Variants in FAM53B observed in about 807,000 individuals in gnomAD.
The protein encoded by FAM53B is family with sequence similarity 53 member B, also known as protein FAM53B.
In FAM53B, 12 loss-of-function variants were observed where a neutral mutation model predicts 32.7. That is an observed-to-expected ratio of 0.37 (90% CI 0.24 to 0.59). The LOEUF is 0.59. Ranked by LOEUF, FAM53B falls within the 20% of genes least tolerant of loss-of-function variation. The pLI, the probability that FAM53B is intolerant of heterozygous loss-of-function variation, is 0.72. For missense variants in FAM53B, 477 were observed against 577.7 expected (o/e 0.83, Z 1.79); for synonymous variants, 234 against 228.7 (o/e 1.02, Z -0.21).
chr10:124,636,272 A>T (rs559751747), intron 4 of FAM53B, among the ~76,000 whole-genome samples: 1 of 152,262 alleles, frequency 6.6e-6, no homozygotes, highest in Middle Eastern at 3.4e-3. Flanking sequence ...CTTTATTGGT[A>T]GCAACAAAGC....
intron 2 of FAM53B, among the ~76,000 whole-genome samples, chr10:124,697,826 T>A (rs1949884499): frequency 6.6e-6 from 1 of 152,202 alleles, no homozygotes; most frequent in African/African-American, 2.4e-5. Flanking sequence ...TCAGGCTCAG[T>A]CACCCTCCTG....
chr10:124,678,114 GA>G (rs1949748021), intron 4 of FAM53B, among the ~76,000 whole-genome samples: 1 of 152,162 alleles, frequency 6.6e-6, no homozygotes, highest in Admixed American at 6.5e-5. Flanking sequence ...GACAAACAAA[GA>G]AAAACAGGCA....
At chr10:124,715,164 C>T (rs1167618385) in intron 1 of FAM53B, among the ~76,000 whole-genome samples, 1 of 152,260 alleles carries the variant, frequency 6.6e-6, no homozygotes, top group Non-Finnish European at 1.5e-5. Context: ...AATACACACA[C>T]TCTCTAATAC....
At chr10:124,641,518 T>A (rs1196194647) in intron 4 of FAM53B, among the ~76,000 whole-genome samples, 1 of 152,202 alleles carries the variant, frequency 6.6e-6, no homozygotes, top group Non-Finnish European at 1.5e-5. Flanking sequence ...TATCAGCAAG[T>A]GGCTACCACA....
intron 4 of FAM53B, among the ~76,000 whole-genome samples, chr10:124,678,649 A>G (rs905855831): frequency 6.6e-6 from 1 of 152,224 alleles, no homozygotes; most frequent in Non-Finnish European, 1.5e-5. Context: ...CTCTGAGGTC[A>G]CATCTCCTGA....
chr10:124,679,795 G>A (rs1441978881), intron 4 of FAM53B, among the ~76,000 whole-genome samples: 13 of 152,232 alleles, frequency 8.5e-5, no homozygotes, highest in Non-Finnish European at 1.5e-5. Context: ...TATACAACTG[G>A]GCGCAGCCCC....
chr10:124,691,879 C>A (rs1355732508), intron 3 of FAM53B, among the ~76,000 whole-genome samples: 2 of 152,220 alleles, frequency 1.3e-5, no homozygotes, highest in Admixed American at 1.3e-4. Context: ...TCAGCCACAG[C>A]CCAGGCCCCT....
At chr10:124,692,563 A>C (rs1163249523) in intron 3 of FAM53B, among the ~76,000 whole-genome samples, 1 of 151,834 alleles carries the variant, frequency 6.6e-6, no homozygotes, top group East Asian at 1.9e-4. Context: ...AAAAATACAA[A>C]AATTAGCCGG....
rs1262003213 is a variant in FAM53B, at chr10:124,738,710, G to A, written c.-175+5303C>T. Among the ~76,000 whole-genome samples, 3 of 151,942 alleles carry A rather than the reference G, an allele frequency of 2.0e-5. No individual in the cohort carries two copies. In the East Asian group the frequency reaches 5.8e-4, roughly 29 times the overall value. On this transcript the variant is annotated intron_variant, in intron 1 of 4. Coordinates refer to ENST00000337318, the MANE Select transcript of FAM53B (RefSeq NM_014661.4). ...TGTGTTCAGTTACTTGATTACTTTAGGCACGTAAACAAAATATGATATTGT... is the reference window on the plus strand; with the variant it reads ...TGTGTTCAGTTACTTGATTACTTTAAGCACGTAAACAAAATATGATATTGT...
At chr10:124,659,394 A>G (rs1370006207) in intron 4 of FAM53B, among the ~76,000 whole-genome samples, 1 of 152,248 alleles carries the variant, frequency 6.6e-6, no homozygotes, top group African/African-American at 2.4e-5. Context: ...AAAACAGGCC[A>G]GTGCTAGGGC....
intron 4 of FAM53B, among the ~76,000 whole-genome samples, chr10:124,681,255 C>T (rs1949769072): frequency 6.6e-6 from 1 of 152,166 alleles, no homozygotes; most frequent in Admixed American, 6.5e-5. Flanking sequence ...CTTGCAGCAG[C>T]TGCAGGGGTG....
intron 1 of FAM53B, among the ~76,000 whole-genome samples, chr10:124,719,942 C>G (rs1950059097): frequency 6.6e-6 from 1 of 152,116 alleles, no homozygotes; most frequent in Non-Finnish European, 1.5e-5. Context: ...GCAGGCAGAT[C>G]ACCTGAGGTA....
intron 4 of FAM53B, among the ~76,000 whole-genome samples, chr10:124,636,131 C>T (rs867149768): frequency 1.3e-5 from 2 of 152,186 alleles, no homozygotes; most frequent in Non-Finnish European, 2.9e-5. Context: ...GAGCAGAGCA[C>T]ACACTAAGTT....
At chr10:124,677,891 C>G (rs1168154730) in intron 4 of FAM53B, among the ~76,000 whole-genome samples, 1 of 152,184 alleles carries the variant, frequency 6.6e-6, no homozygotes, top group Non-Finnish European at 1.5e-5. Flanking sequence ...TCACACACGG[C>G]GAACTCCCTC....
rs186495394 is a variant in FAM53B at position 124,621,910 on chromosome 10, G to A, written c.*1332C>T. 23 of 152,552 alleles carry A rather than the reference G, an allele frequency of 1.5e-4. No individual in the cohort carries two copies. In the East Asian group the frequency reaches 4.2e-3, roughly 28 times the overall value. 9.4% of individuals were successfully genotyped at this position (152,552 alleles called of 1,614,324 possible). On this transcript the variant is annotated 3_prime_UTR_variant, in exon 5 of 5. Transcript: ENST00000337318. ...ATTGTTTGCAGAAGACGCCACATTC[G>A]CTAAAAGCCAGATTCCCATAGAGCA...
At chr10:124,650,326 C>A (rs1019638425) in intron 4 of FAM53B, among the ~76,000 whole-genome samples, 9 of 152,190 alleles carry the variant, frequency 5.9e-5, no homozygotes, top group Non-Finnish European at 1.2e-4. Context: ...ATCTGAGAAC[C>A]AGGCATGAGC....
chr10:124,645,808 GC>G (rs1949509027), intron 4 of FAM53B, among the ~76,000 whole-genome samples: 2 of 152,158 alleles, frequency 1.3e-5, no homozygotes, highest in South Asian at 4.1e-4. Context: ...CTCAGGGATA[GC>G]CAGGATGGAA....
chr10:124,675,290 G>A (rs1383768353), intron 4 of FAM53B, among the ~76,000 whole-genome samples: 1 of 152,142 alleles, frequency 6.6e-6, no homozygotes, highest in Non-Finnish European at 1.5e-5. Flanking sequence ...AGGAAGGAAG[G>A]GAAGCAGGGA....
chr10:124,687,135 C>A (rs1949807561), intron 3 of FAM53B, among the ~76,000 whole-genome samples: 1 of 152,162 alleles, frequency 6.6e-6, no homozygotes, highest in African/African-American at 2.4e-5. Flanking sequence ...GCTCAGGGAA[C>A]AGAAAGCGAT....
Sources: allele counts gnomAD v4.1 joint callset (sites outside exome capture counted in the v4.1 genomes callset), GRCh38; gene constraint gnomAD v4.1.1; transcripts MANE v1.5; gene names NCBI Gene and HGNC (gene_info 2026-07-23, HGNC 2026-07-21).